The following LRFN2 variants were observed in gnomAD, a reference collection of about 807,000 sequenced individuals.
LRFN2 encodes the protein leucine-rich repeat and fibronectin type-III domain-containing protein 2.
LRFN2 carries 18 observed loss-of-function variants against 37.3 expected under a neutral mutation model. The ratio of observed to expected loss-of-function variants is 0.48; its 90% CI spans 0.33 to 0.72. LRFN2 has a LOEUF of 0.72. Ranked by LOEUF, LRFN2 falls within the 30% of genes least tolerant of loss-of-function variation. LRFN2 has a pLI of 0.02. For missense variants in LRFN2, 1,006 were observed against 1,060.7 expected, an observed-to-expected ratio of 0.95 and a Z score of 0.72; for synonymous variants, 556 against 466.6, an observed-to-expected ratio of 1.19 and a Z score of -2.47.
rs532964997 is a variant in LRFN2, at chr6:40,550,303, C to G, written c.-19+36638G>C. On this transcript the variant is annotated intron_variant, in intron 1 of 2. Transcript: ENST00000338305. ...AGACTTAAGACTGACTCAGCAGTATCTCTTGCTGCAGTTATTGGCACATGA... is the reference window on the plus strand; with the variant it reads ...AGACTTAAGACTGACTCAGCAGTATGTCTTGCTGCAGTTATTGGCACATGA... 1.6e-4 allele frequency among the ~76,000 whole-genome samples: 24 copies of G among 152,296 alleles called. 1 individual carries two copies. In the South Asian group the frequency reaches 3.7e-3, roughly 24 times the overall value.
chr6:40,549,964 G>T (rs879509098), intron 1 of LRFN2, among the ~76,000 whole-genome samples: 1 of 152,188 alleles, frequency 6.6e-6, no homozygotes, highest in Admixed American at 6.6e-5. Context: ...AACCCAGGAG[G>T]CGGAGGTTGC....
intron 1 of LRFN2, among the ~76,000 whole-genome samples, chr6:40,492,145 G>A (rs1765108227): frequency 1.3e-5 from 2 of 152,284 alleles, no homozygotes; most frequent in South Asian, 2.1e-4. Context: ...AGGTACCTTT[G>A]AGCCAAGACA....
chr6:40,533,505 C>T (rs1291276402), intron 1 of LRFN2, among the ~76,000 whole-genome samples: 1 of 151,946 alleles, frequency 6.6e-6, no homozygotes, highest in African/African-American at 2.4e-5. Context: ...CTGACCATTA[C>T]TGGCTATTGA....
chr6:40,534,684 G>A (rs763802753), intron 1 of LRFN2, among the ~76,000 whole-genome samples: 1 of 152,090 alleles, frequency 6.6e-6, no homozygotes. Context: ...ATCAGGTATT[G>A]CTATTATTAT....
chr6:40,568,446 A>T (rs920229466), intron 1 of LRFN2, among the ~76,000 whole-genome samples: 79 of 152,356 alleles, frequency 5.2e-4, no homozygotes, highest in Middle Eastern at 3.4e-3. Flanking sequence ...ACAGCAGCCA[A>T]AATGGCCCAC....
At chr6:40,431,104 CTTT>C (rs964740213) in intron 2 of LRFN2, among the ~76,000 whole-genome samples, 4 of 148,340 alleles carry the variant, frequency 2.7e-5, no homozygotes, top group Admixed American at 2.1e-4. Context: ...TTCTCTCTCT[CTTT>C]TTTTTTTAAA....
At chr6:40,479,481 G>A (rs577515857) in intron 1 of LRFN2, among the ~76,000 whole-genome samples, 1 of 152,328 alleles carries the variant, frequency 6.6e-6, no homozygotes, top group South Asian at 2.1e-4. Flanking sequence ...ATGGGGAGCA[G>A]CTAAGCTACT....
At chr6:40,533,491 T>C (rs1441191055) in intron 1 of LRFN2, among the ~76,000 whole-genome samples, 1 of 151,818 alleles carries the variant, frequency 6.6e-6, no homozygotes, top group Non-Finnish European at 1.5e-5. Flanking sequence ...TCAAGTAGTC[T>C]TTTCTGACCA....
intron 1 of LRFN2, among the ~76,000 whole-genome samples, chr6:40,461,036 G>A (rs1764336822): frequency 6.6e-6 from 1 of 152,068 alleles, no homozygotes; most frequent in Non-Finnish European, 1.5e-5. Flanking sequence ...TAATCAACCA[G>A]CCAGGCAATC....
At chr6:40,447,254 T>C (rs964826254) in intron 1 of LRFN2, among the ~76,000 whole-genome samples, 2 of 152,246 alleles carry the variant, frequency 1.3e-5, no homozygotes, top group Non-Finnish European at 2.9e-5. Flanking sequence ...AACCTTCTCA[T>C]TAACCTCAAG....
At chr6:40,491,984 G>A (rs1237427737) in intron 1 of LRFN2, among the ~76,000 whole-genome samples, 1 of 104,532 alleles carries the variant, frequency 9.6e-6, no homozygotes, top group Non-Finnish European at 1.9e-5. Flanking sequence ...CTATTTTGCC[G>A]TGTGACTGTG....
chr6:40,459,123 A>G (rs1282710759), intron 1 of LRFN2, among the ~76,000 whole-genome samples: 5 of 152,210 alleles, frequency 3.3e-5, no homozygotes, highest in Admixed American at 3.3e-4. Context: ...TGGGCTAAAG[A>G]TCTCTACCTT....
At chr6:40,569,793 C>T (rs757469954) in intron 1 of LRFN2, among the ~76,000 whole-genome samples, 51 of 152,268 alleles carry the variant, frequency 3.3e-4, no homozygotes, top group Non-Finnish European at 6.6e-4. Context: ...CAAATTGGAC[C>T]ATGTCATTCT....
chr6:40,490,138 G>A (rs1335010992), intron 1 of LRFN2, among the ~76,000 whole-genome samples: 4 of 152,198 alleles, frequency 2.6e-5, no homozygotes, highest in South Asian at 4.1e-4. Flanking sequence ...CCCCGTGGAA[G>A]CACATCTCGT....
intron 1 of LRFN2, among the ~76,000 whole-genome samples, chr6:40,468,913 G>C (rs1239437738): frequency 4.6e-5 from 7 of 152,202 alleles, no homozygotes; most frequent in Admixed American, 4.6e-4. Flanking sequence ...AGGAGGGACA[G>C]GAGCTCATCT....
rs67639435 is a variant in LRFN2 at position 40,548,440 on chromosome 6, C to CAAAAAAAAAAAAAAAAAAAAAA, written c.-19+38500_-19+38501insTTTTTTTTTTTTTTTTTTTTTT. Among the ~76,000 whole-genome samples, 23 of 142,696 alleles carry CAAAAAAAAAAAAAAAAAAAAAA rather than the reference C, an allele frequency of 1.6e-4. 1 individual carries two copies. The highest frequency in any genetic ancestry group is 5.7e-4 in the Admixed American group (8 of 14,116). The allele number at this position is 142,696 out of a possible 152,430, so 93.6% of individuals were successfully genotyped here. Reference sequence around the variant, plus strand: ...TGGGTGACACAACGAGACTCCATCTCAAAAAAAAAATGAAAAAAGAAAAAT... The same window carrying CAAAAAAAAAAAAAAAAAAAAAA: ...TGGGTGACACAACGAGACTCCATCTCAAAAAAAAAAAAAAAAAAAAAAAAAAAAAAAATGAAAAAAGAAAAAT... On this transcript the variant is annotated intron_variant, in intron 1 of 2. Coordinates refer to ENST00000338305, the MANE Select transcript of LRFN2 (RefSeq NM_020737.3).
intron 1 of LRFN2, among the ~76,000 whole-genome samples, chr6:40,466,263 A>G (rs1764464154): frequency 6.6e-6 from 1 of 152,200 alleles, no homozygotes; most frequent in South Asian, 2.1e-4. Context: ...GGCAGCAAGG[A>G]TAAAGGGAGG....
intron 1 of LRFN2, among the ~76,000 whole-genome samples, chr6:40,491,240 C>T (rs529511284): frequency 3.7e-4 from 57 of 152,244 alleles, no homozygotes; most frequent in Non-Finnish European, 6.9e-4. Flanking sequence ...TTCTCCCCAC[C>T]TCAATGTCTT....
Position 40,435,082 on chromosome 6 carries a change from G to GAGAC in LRFN2, c.-18-1952_-18-1951insGTCT, listed in dbSNP as rs1554134657. On this transcript the variant is annotated intron_variant, in intron 1 of 2. Coordinates refer to ENST00000338305, the MANE Select transcript of LRFN2 (RefSeq NM_020737.3). ...AGAGAGAGAGAGAGAGAGAGAGAGAGAGAGAGAGACAGAGAGATAATATAT... is the reference window on the plus strand; with the variant it reads ...AGAGAGAGAGAGAGAGAGAGAGAGAGAGACAGAGAGAGACAGAGAGATAATATAT... Among the ~76,000 whole-genome samples, 39 of 135,550 alleles carry GAGAC rather than the reference G, an allele frequency of 2.9e-4. No individual in the cohort carries two copies. The East Asian group carries it at 7.6e-3, about 26-fold the overall frequency. 88.9% of individuals were successfully genotyped at this position (135,550 alleles called of 152,430 possible).
Sources: gnomAD v4.1 joint callset for allele counts (sites outside exome capture counted in the v4.1 genomes callset) on GRCh38, gnomAD v4.1.1 for gene constraint, MANE v1.5 for transcripts, NCBI Gene and HGNC (gene_info 2026-07-23, HGNC 2026-07-21) for gene names.